TBC1D21: variants seen among roughly 807,000 people sequenced by gnomAD.
TBC1D21 encodes the protein male germ cell Rab GTPase-activating protein.
Under a neutral mutation model 46.0 loss-of-function variants are expected in TBC1D21, and 38 were observed. The ratio of observed to expected loss-of-function variants is 0.83; its 90% CI spans 0.64 to 1.08. The LOEUF is 1.08. Among genes scored for constraint, TBC1D21 ranks in the 50% least tolerant of loss-of-function variants. TBC1D21 has a pLI of 0.00. For synonymous variants in TBC1D21, 151 were observed against 157.2 expected, an observed-to-expected ratio of 0.96 and a Z score of 0.29; for missense variants, 415 against 417.9, an observed-to-expected ratio of 0.99 and a Z score of 0.06.
At chr15:73,874,181 T>C (rs1352214374) in intron 1 of TBC1D21, among the ~76,000 whole-genome samples, 1 of 152,238 alleles carries the variant, frequency 6.6e-6, no homozygotes, top group East Asian at 1.9e-4. Flanking sequence ...GCTTCAGTCA[T>C]AAAAATTTTC....
chr15:73,901,810 T>C, the TBC1D21 span, among the ~76,000 whole-genome samples: 35,002 of 150,996 alleles, frequency 0.23, 4,889 homozygotes, highest in East Asian at 0.68. Context: ...TCAAGATCCC[T>C]TTTTTTTTGT....
intron 3 of TBC1D21, among the ~76,000 whole-genome samples, chr15:73,882,102 C>A (rs1231914960): frequency 6.6e-6 from 1 of 152,060 alleles, no homozygotes; most frequent in Non-Finnish European, 1.5e-5. Flanking sequence ...CCAACTCCAC[C>A]TCCTCCCTGC....
At chr15:73,908,848 C>T in the TBC1D21 span, among the ~76,000 whole-genome samples, 1 of 152,240 alleles carries the variant, frequency 6.6e-6, no homozygotes, top group Non-Finnish European at 1.5e-5. Context: ...TCAACCAGAC[C>T]AGTGAACTTT....
At chr15:73,887,588 C>T (rs745771652) in intron 8 of TBC1D21, 32 bp from the exon 9 acceptor site, 1 of 1,595,020 alleles carries the variant, frequency 6.3e-7, no homozygotes, top group Non-Finnish European at 8.6e-7. Context: ...TCTCAGACCA[C>T]AGGGCCCAGA....
chr15:73,895,851 G>A, the TBC1D21 span, among the ~76,000 whole-genome samples: 1 of 152,134 alleles, frequency 6.6e-6, no homozygotes, highest in Non-Finnish European at 1.5e-5. Flanking sequence ...AGAAATCTGC[G>A]CAAAGATGTC....
Position 73,886,592 on chromosome 15 carries a change from G to A in TBC1D21, c.757G>A (p.Asp253Asn). ...CFQRAFKSFD[D>N]VWRLWEVLLT... The stretch of plus-strand genomic sequence containing the variant: ...CCAGCGTGCCTTCAAGTCCTTCGAT[G>A]ATGTCTGGAGGCTCTGGGAGGTGAG... Residue 253 changes from aspartate (D) to asparagine (N), a missense_variant, in exon 8 of 11, where the codon GAT becomes AAT. Transcript: ENST00000300504. 6.2e-7 allele frequency: 1 copy of A among 1,613,544 alleles called. No homozygotes were observed. Among genetic ancestry groups the A allele is most frequent in the Middle Eastern group, 1.8e-4 (1 of 5,558 alleles).
Position 73,881,647 on chromosome 15 carries a change from C to A in TBC1D21, c.172C>A (p.Leu58Met). Residue 58 changes from leucine to methionine, a missense_variant, in exon 3 of 11, where the codon CTG becomes ATG. Physicochemically the swap from Leu to Met is conservative, Grantham distance 15. Transcript: ENST00000300504. The part of the protein sequence containing the change: ...FICVNILERG[L>M]HPFVRTEAWK... ...CCACCTCCCACCCCCACCCCAGGGT[C>A]TGCACCCCTTCGTGAGGACTGAAGC... 2 of 1,613,628 alleles carry A rather than the reference C, an allele frequency of 1.2e-6. No individual in the cohort carries two copies. Among genetic ancestry groups the A allele is most frequent in the Non-Finnish European group, 1.7e-6 (2 of 1,179,720 alleles).
intron 10 of TBC1D21, 147 bp downstream of exon 10, chr15:73,888,660 T>TTCC: frequency 3.4e-6 from 2 of 590,118 alleles, no homozygotes; most frequent in Non-Finnish European, 6.0e-6. Context: ...CCTCCTCTTC[T>TTCC]TCCTCCTCCT....
rs1173558066 is a variant in TBC1D21 at position 73,873,630 on chromosome 15, C to T, written c.-80C>T. ...CAGCCAGTTCCTCCTGGGAATGCAA[C>T]CCATCTCCGAAAAGGATTAAGCATC... On this transcript the variant is annotated 5_prime_UTR_variant, in exon 1 of 11. Transcript: ENST00000300504. The T allele has an allele frequency of 2.0e-6, 3 of 1,492,786 alleles. No homozygotes were observed. Among genetic ancestry groups the T allele is most frequent in the South Asian group, 1.2e-5 (1 of 82,454 alleles). 92.5% of individuals were successfully genotyped at this position (1,492,786 alleles called of 1,614,324 possible).
At chr15:73,902,476 C>A in the TBC1D21 span, among the ~76,000 whole-genome samples, 1 of 152,232 alleles carries the variant, frequency 6.6e-6, no homozygotes, top group African/African-American at 2.4e-5. Flanking sequence ...CCCCTCTTTT[C>A]TCTGCCTCTC....
chr15:73,882,625 C>T (rs572490811), intron 3 of TBC1D21, among the ~76,000 whole-genome samples: 4 of 152,128 alleles, frequency 2.6e-5, no homozygotes, highest in African/African-American at 4.8e-5. Context: ...ATTTGGAAAC[C>T]GGGTTCAAAT....
intron 10 of TBC1D21, 57 bp downstream of exon 10, chr15:73,888,570 C>T (rs866156832): frequency 7.4e-5 from 87 of 1,172,826 alleles, no homozygotes; most frequent in African/African-American, 5.8e-4. Context: ...CCTCTTCCTC[C>T]TCCTCCTCCT....
chr15:73,876,229 T>TTG (rs2068064379), intron 1 of TBC1D21, among the ~76,000 whole-genome samples: 1 of 105,610 alleles, frequency 9.5e-6, no homozygotes, highest in Non-Finnish European at 1.9e-5. Context: ...TTTTTTTTTT[T>TTG]TTTTTTTTTT....
the TBC1D21 span, among the ~76,000 whole-genome samples, chr15:73,907,620 C>T: frequency 6.6e-6 from 1 of 152,188 alleles, no homozygotes; most frequent in Admixed American, 6.5e-5. Flanking sequence ...TGCTTCTCAA[C>T]CCCTTGGGTC....
At position 73,886,746 on chromosome 15, in the gene TBC1D21, C is replaced by T. The variant is rs983195185; in HGVS notation, c.777+134C>T. On this transcript the variant is annotated intron_variant, in intron 8 of 10. Coordinates refer to ENST00000300504, the MANE Select transcript of TBC1D21 (RefSeq NM_153356.3). ...GTATCTCGGGGTTTTGTTAGGTCAG[C>T]AACCCTGCTCCCACCTTGCTGGAGG... The T allele has an allele frequency of 6.5e-6, 5 of 768,622 alleles. No individual in the cohort carries two copies. In the African/African-American group the frequency reaches 8.6e-5, roughly 13 times the overall value. 47.6% of individuals were successfully genotyped at this position (768,622 alleles called of 1,614,324 possible).
Position 73,881,513 on chromosome 15 carries a change from C to T in TBC1D21, c.168+7C>T, listed in dbSNP as rs748336345. On this transcript the variant is annotated splice_region_variant and intron_variant, in intron 2 of 10. Transcript: ENST00000300504. ...TGTTAACATCCTGGAAAGGGTGGGTCCCCAAGCTACCCTTGGCCTTGCCCT... is the reference window on the plus strand; with the variant it reads ...TGTTAACATCCTGGAAAGGGTGGGTTCCCAAGCTACCCTTGGCCTTGCCCT... The T allele has an allele frequency of 1.9e-6, 3 of 1,612,412 alleles. No homozygotes were observed. Among genetic ancestry groups the T allele is most frequent in the East Asian group, 4.5e-5 (2 of 44,890 alleles).
At chr15:73,887,189 A>G (rs1595826271) in intron 8 of TBC1D21, among the ~76,000 whole-genome samples, 1 of 151,832 alleles carries the variant, frequency 6.6e-6, no homozygotes, top group Non-Finnish European at 1.5e-5. Flanking sequence ...ATCTATTCCC[A>G]CCTGCCTCTT....
At chr15:73,885,569 A>G (rs1213018989) in intron 6 of TBC1D21, among the ~76,000 whole-genome samples, 2 of 152,034 alleles carry the variant, frequency 1.3e-5, no homozygotes, top group Non-Finnish European at 2.9e-5. Context: ...TCACTGTCCA[A>G]GTTGAGGGGT....
intron 8 of TBC1D21, 71 bp downstream of exon 8, chr15:73,886,683 C>T: frequency 6.9e-7 from 1 of 1,441,232 alleles, no homozygotes; most frequent in South Asian, 1.1e-5. Flanking sequence ...GCAAGTCTTC[C>T]TTGCCTCCCC....
Sources: gnomAD v4.1 joint callset for allele counts (sites outside exome capture counted in the v4.1 genomes callset) on GRCh38, gnomAD v4.1.1 for gene constraint, MANE v1.5 for transcripts, NCBI Gene and HGNC (gene_info 2026-07-23, HGNC 2026-07-21) for gene names.